CDH12: variants seen among roughly 807,000 people sequenced by gnomAD.
CDH12 encodes the protein cadherin 12.
In CDH12, 41 loss-of-function variants were observed where a neutral mutation model predicts 74.1. The observed-to-expected ratio is 0.55, with a 90% CI of 0.43 to 0.72. The LOEUF (loss-of-function observed/expected upper bound fraction) is 0.72, where lower values mean the gene tolerates loss of function less well. Among genes scored for constraint, CDH12 ranks in the 30% least tolerant of loss-of-function variants. The pLI is 0.00. For synonymous variants in CDH12, 399 were observed against 355.0 expected (o/e 1.12, Z -1.39); for missense variants, 945 against 977.2 (o/e 0.97, Z 0.44).
chr5:22,544,814 C>CA lies in CDH12; in HGVS notation c.-522-39451dup, dbSNP rs754866925. Among the ~76,000 whole-genome samples the CA allele has an allele frequency of 1.6e-3, 204 of 130,212 alleles. 2 individuals carry two copies. The highest frequency in any genetic ancestry group is 5.0e-3 in the East Asian group (22 of 4,430). 85.4% of individuals were successfully genotyped at this position (130,212 alleles called of 152,430 possible). ...CCTGGGTGACAGAGTGAGACTCTGT[C>CA]AAAAAAAAAAAAGCCTTGTAATAGG... On this transcript the variant is annotated intron_variant, in intron 1 of 14. Coordinates refer to ENST00000382254, the MANE Select transcript of CDH12 (RefSeq NM_004061.5).
chr5:22,677,715 G>A (rs769825353), intron 1 of CDH12, among the ~76,000 whole-genome samples: 119 of 152,202 alleles, frequency 7.8e-4, no homozygotes, highest in Non-Finnish European at 1.3e-3. Context: ...TCCTCCCAAA[G>A]GCTGCTTGTA....
At chr5:21,896,278 C>G (rs1753119666) in intron 6 of CDH12, among the ~76,000 whole-genome samples, 1 of 152,068 alleles carries the variant, frequency 6.6e-6, no homozygotes, top group Admixed American at 6.6e-5. Context: ...TACTGGAATT[C>G]CTCTTATAAA....
chr5:22,082,134 G>A (rs1742776761), intron 4 of CDH12, among the ~76,000 whole-genome samples: 1 of 152,136 alleles, frequency 6.6e-6, no homozygotes, highest in Non-Finnish European at 1.5e-5. Flanking sequence ...AACTTTTGCA[G>A]TTTTGGGAGG....
intron 2 of CDH12, among the ~76,000 whole-genome samples, chr5:22,436,692 A>G (rs1320105670): frequency 6.6e-6 from 1 of 152,112 alleles, no homozygotes; most frequent in Non-Finnish European, 1.5e-5. Context: ...CCATGAGTCC[A>G]TGCTTTTAAG....
intron 6 of CDH12, among the ~76,000 whole-genome samples, chr5:21,945,028 T>C (rs965158582): frequency 3.3e-5 from 5 of 151,760 alleles, no homozygotes; most frequent in Admixed American, 3.3e-4. Flanking sequence ...TCTCATAATA[T>C]AAAAAAATAT....
intron 8 of CDH12, among the ~76,000 whole-genome samples, chr5:21,828,532 T>C (rs1314950923): frequency 6.6e-6 from 1 of 152,208 alleles, no homozygotes; most frequent in Non-Finnish European, 1.5e-5. Flanking sequence ...AGATGAAATT[T>C]GGTAATGGTC....
chr5:22,220,064 G>C (rs1300796324), intron 3 of CDH12, among the ~76,000 whole-genome samples: 1 of 151,638 alleles, frequency 6.6e-6, no homozygotes, highest in Non-Finnish European at 1.5e-5. Flanking sequence ...GAATCCGTAA[G>C]GATGTTTCTA....
chr5:22,125,442 T>C (rs553336103), intron 4 of CDH12, among the ~76,000 whole-genome samples: 3 of 152,332 alleles, frequency 2.0e-5, no homozygotes, highest in African/African-American at 7.2e-5. Context: ...ACATTAATTC[T>C]TTCTTTTTAA....
intron 1 of CDH12, among the ~76,000 whole-genome samples, chr5:22,554,672 C>T (rs1738721882): frequency 6.6e-6 from 1 of 152,004 alleles, no homozygotes. Context: ...GAAATTAATG[C>T]TTCCTACAAT....
chr5:22,378,873 T>G (rs1741646489), intron 3 of CDH12, among the ~76,000 whole-genome samples: 1 of 152,138 alleles, frequency 6.6e-6, no homozygotes, highest in Admixed American at 6.5e-5. Context: ...TAATGCCTTA[T>G]ATATGCCTAT....
chr5:22,588,405 T>C (rs916834369), intron 1 of CDH12, among the ~76,000 whole-genome samples: 3 of 152,148 alleles, frequency 2.0e-5, no homozygotes, highest in African/African-American at 7.2e-5. Context: ...TTAATTTTCA[T>C]ACGCCATTTG....
At chr5:21,978,272 G>C (rs1051096781) in intron 5 of CDH12, among the ~76,000 whole-genome samples, 26 of 152,018 alleles carry the variant, frequency 1.7e-4, no homozygotes, top group Non-Finnish European at 1.5e-5. Context: ...CTCCAGAGTA[G>C]CTGGAACTAC....
At chr5:22,188,324 G>T (rs1472078618) in intron 4 of CDH12, among the ~76,000 whole-genome samples, 1 of 151,666 alleles carries the variant, frequency 6.6e-6, no homozygotes, top group Non-Finnish European at 1.5e-5. Context: ...TCACCATGTT[G>T]TGACACAGCA....
At chr5:22,797,202 A>AG in intron 1 of CDH12, among the ~76,000 whole-genome samples, 1 of 151,042 alleles carries the variant, frequency 6.6e-6, no homozygotes, top group African/African-American at 2.4e-5. Flanking sequence ...AAAAAAAAAA[A>AG]AAAAGATCCA....
intron 6 of CDH12, among the ~76,000 whole-genome samples, chr5:21,888,165 A>T (rs1752728528): frequency 6.6e-6 from 1 of 152,202 alleles, no homozygotes; most frequent in African/African-American, 2.4e-5. Flanking sequence ...TTCTACAGTG[A>T]GGTCCACTAC....
chr5:22,828,191 C>A (rs572263423), intron 1 of CDH12, among the ~76,000 whole-genome samples: 93 of 152,026 alleles, frequency 6.1e-4, no homozygotes, highest in Non-Finnish European at 1.3e-3. Context: ...CAAACCCTTA[C>A]CCTAAATGGA....
chr5:22,788,652 G>T (rs1747762336), intron 1 of CDH12, among the ~76,000 whole-genome samples: 1 of 146,932 alleles, frequency 6.8e-6, no homozygotes, highest in Admixed American at 6.9e-5. Flanking sequence ...TAATGTTCAT[G>T]TGTAAATTTA....
chr5:22,048,670 T>C (rs1740132490), intron 5 of CDH12, among the ~76,000 whole-genome samples: 1 of 151,950 alleles, frequency 6.6e-6, no homozygotes, highest in African/African-American at 2.4e-5. Flanking sequence ...AAAAGAATTG[T>C]GAGAGGAGAA....
intron 4 of CDH12, among the ~76,000 whole-genome samples, chr5:22,131,149 C>T (rs1425443709): frequency 2.0e-5 from 3 of 152,032 alleles, no homozygotes; most frequent in Non-Finnish European, 4.4e-5. Context: ...CTGCTATGAA[C>T]ATTCATGTAC....
Sources: allele counts gnomAD v4.1 joint callset (sites outside exome capture counted in the v4.1 genomes callset), GRCh38; gene constraint gnomAD v4.1.1; transcripts MANE v1.5; gene names NCBI Gene and HGNC (gene_info 2026-07-23, HGNC 2026-07-21).